Variants in SRGAP1 observed in about 807,000 individuals in gnomAD.
SRGAP1 encodes SLIT-ROBO Rho GTPase-activating protein 1.
In SRGAP1, 43 loss-of-function variants were observed where a neutral mutation model predicts 121.9. The observed-to-expected ratio is 0.35, with a 90% CI of 0.28 to 0.46. SRGAP1 has a LOEUF of 0.46. Among genes scored for constraint, SRGAP1 ranks in the 20% least tolerant of loss-of-function variants. SRGAP1 has a pLI of 1.00. For synonymous variants in SRGAP1, 447 were observed against 485.4 expected (o/e 0.92, Z 1.04); for missense variants, 1,102 against 1,350.9 (o/e 0.82, Z 2.89).
intron 6 of SRGAP1, 156 bp downstream of exon 6, chr12:64,043,731 A>G (rs1177883453): frequency 2.0e-5 from 11 of 537,854 alleles, no homozygotes; most frequent in Non-Finnish European, 3.1e-5. Context: ...CGTAATATGA[A>G]GACACTATCA....
At chr12:64,000,225 T>C (rs1293075443) in intron 3 of SRGAP1, among the ~76,000 whole-genome samples, 1 of 141,520 alleles carries the variant, frequency 7.1e-6, no homozygotes, top group East Asian at 2.0e-4. Flanking sequence ...AGAACATTGG[T>C]CAAGAAAGGT....
chr12:63,990,161 G>T, intron 3 of SRGAP1, 89 bp downstream of exon 3: 2 of 951,132 alleles, frequency 2.1e-6, no homozygotes, highest in Non-Finnish European at 3.2e-6. Flanking sequence ...AAAATTAGGT[G>T]AATGAATGAA....
intron 15 of SRGAP1, among the ~76,000 whole-genome samples, chr12:64,106,506 A>G (rs2036347530): frequency 6.6e-6 from 1 of 152,190 alleles, no homozygotes; most frequent in Admixed American, 6.5e-5. Flanking sequence ...AATGACTTGC[A>G]AATTACTTCA....
chr12:64,083,818 C>G (rs1413113218), intron 10 of SRGAP1, among the ~76,000 whole-genome samples: 1 of 152,072 alleles, frequency 6.6e-6, no homozygotes, highest in Non-Finnish European at 1.5e-5. Flanking sequence ...AATAAAAAAT[C>G]TGATACTAGG....
intron 1 of SRGAP1, among the ~76,000 whole-genome samples, chr12:63,873,703 C>G (rs1229795420): frequency 6.6e-6 from 1 of 151,734 alleles, no homozygotes; most frequent in Non-Finnish European, 1.5e-5. Context: ...GAGTCTCACC[C>G]TGTTGCCCAG....
intron 17 of SRGAP1, among the ~76,000 whole-genome samples, chr12:64,115,268 C>CATTATAAGT (rs1204430431): frequency 3.3e-4 from 51 of 152,270 alleles, no homozygotes; most frequent in African/African-American, 1.2e-3. Context: ...ATAATGCTAT[C>CATTATAAGT]CATTTTTTAC....
At chr12:63,913,867 T>A (rs1252549214) in intron 1 of SRGAP1, among the ~76,000 whole-genome samples, 1 of 151,984 alleles carries the variant, frequency 6.6e-6, no homozygotes, top group Non-Finnish European at 1.5e-5. Context: ...TAATTTTTAT[T>A]TTTTTTTCTA....
chr12:64,136,040 T>C (rs2036851408), intron 21 of SRGAP1, among the ~76,000 whole-genome samples: 1 of 152,172 alleles, frequency 6.6e-6, no homozygotes, highest in African/African-American at 2.4e-5. Flanking sequence ...TTCACGTTCT[T>C]CTGTTTGCTT....
At chr12:64,056,293 G>A (rs914916428) in intron 6 of SRGAP1, among the ~76,000 whole-genome samples, 43 of 152,134 alleles carry the variant, frequency 2.8e-4, no homozygotes, top group Middle Eastern at 3.4e-3. Flanking sequence ...ACACTCATAT[G>A]TTCCAAAAAT....
rs1045435298 is a variant in SRGAP1 at position 64,091,145 on chromosome 12, G to A, written c.1437-131G>A. 1.6e-4 allele frequency: 76 copies of A among 478,786 alleles called. 1 individual carries two copies. Among genetic ancestry groups the A allele is most frequent in the South Asian group, 6.9e-4 (9 of 13,028 alleles). 29.7% of individuals were successfully genotyped at this position (478,786 alleles called of 1,614,324 possible). ...AAATAAATGGGAAATGGGAGGGAAT[G>A]TTTTCCCCTGTGATTGGGGGAGGGG... On this transcript the variant is annotated intron_variant, in intron 11 of 21. Coordinates refer to ENST00000355086, the MANE Select transcript of SRGAP1 (RefSeq NM_020762.4).
intron 1 of SRGAP1, among the ~76,000 whole-genome samples, chr12:63,907,405 G>T (rs1290474392): frequency 2.0e-5 from 3 of 152,040 alleles, no homozygotes; most frequent in Non-Finnish European, 4.4e-5. Context: ...GGGTGTGGTG[G>T]CAGGCACCTG....
At chr12:64,019,690 T>C (rs2034497256) in intron 4 of SRGAP1, among the ~76,000 whole-genome samples, 1 of 152,186 alleles carries the variant, frequency 6.6e-6, no homozygotes, top group Non-Finnish European at 1.5e-5. Context: ...TATTAATACT[T>C]ACTCAGTTTA....
At chr12:63,887,620 C>T (rs1011783411) in intron 1 of SRGAP1, 1 of 152,156 alleles carries the variant, frequency 6.6e-6, no homozygotes, top group Non-Finnish European at 1.5e-5. Flanking sequence ...TCTAGAAACT[C>T]GAGTTGAATG....
chr12:63,867,613 A>G (rs1489882931), intron 1 of SRGAP1, among the ~76,000 whole-genome samples: 1 of 152,170 alleles, frequency 6.6e-6, no homozygotes, highest in Admixed American at 6.5e-5. Context: ...ATCTTATAAG[A>G]TTATTATGAG....
chr12:64,109,306 A>T (rs57729579), intron 16 of SRGAP1, among the ~76,000 whole-genome samples: 6,994 of 152,184 alleles, frequency 0.046, 293 homozygotes, highest in South Asian at 0.12. Context: ...TTCAGTGAGA[A>T]GTGTTATTCA....
chr12:64,039,251 C>T lies in SRGAP1; in HGVS notation c.490-3539C>T, dbSNP rs540489332. Among the ~76,000 whole-genome samples, 5 of 152,234 alleles carry T rather than the reference C, an allele frequency of 3.3e-5. No individual in the cohort carries two copies. The East Asian group carries it at 9.6e-4, about 29-fold the overall frequency. On this transcript the variant is annotated intron_variant, in intron 4 of 21. Coordinates refer to ENST00000355086, the MANE Select transcript of SRGAP1 (RefSeq NM_020762.4). Reference sequence around the variant, plus strand: ...AAATTTGCTTTCCGGAAATTACCACCGAACTAGGTAGAGAATACTCAGCTA... The same window carrying T: ...AAATTTGCTTTCCGGAAATTACCACTGAACTAGGTAGAGAATACTCAGCTA...
chr12:63,890,543 T>G (rs1900544584), intron 1 of SRGAP1, among the ~76,000 whole-genome samples: 1 of 152,156 alleles, frequency 6.6e-6, no homozygotes, highest in African/African-American at 2.4e-5. Flanking sequence ...TACAGGAATT[T>G]GTAGTGTGAG....
At chr12:64,090,790 T>C (rs896475164) in intron 11 of SRGAP1, among the ~76,000 whole-genome samples, 8 of 152,094 alleles carry the variant, frequency 5.3e-5, no homozygotes, top group Non-Finnish European at 1.2e-4. Context: ...CAGTGAGCCA[T>C]GATCATTCCA....
chr12:64,113,229 G>A (rs1220529200), intron 17 of SRGAP1, among the ~76,000 whole-genome samples: 1 of 152,058 alleles, frequency 6.6e-6, no homozygotes, highest in Admixed American at 6.6e-5. Context: ...CCAACATGGT[G>A]AAACCCCGTC....
Sources: gnomAD v4.1 joint callset for allele counts (sites outside exome capture counted in the v4.1 genomes callset) on GRCh38, gnomAD v4.1.1 for gene constraint, MANE v1.5 for transcripts, NCBI Gene and HGNC (gene_info 2026-07-23, HGNC 2026-07-21) for gene names.